Variants in TAS2R1 observed in about 807,000 individuals in gnomAD.
The protein encoded by TAS2R1 is taste receptor type 2 member 1.
For missense variants in TAS2R1, 370 were observed against 353.4 expected, an observed-to-expected ratio of 1.05 and a Z score of -0.38; for synonymous variants, 141 against 134.2, an observed-to-expected ratio of 1.05 and a Z score of -0.35.
At chr5:9,809,818 G>A in the TAS2R1 span, among the ~76,000 whole-genome samples, 1 of 152,050 alleles carries the variant, frequency 6.6e-6, no homozygotes. Context: ...GGATCTCTTT[G>A]TATTCCTTCT....
the TAS2R1 span, among the ~76,000 whole-genome samples, chr5:9,827,576 A>G: frequency 2.0e-5 from 3 of 146,432 alleles, no homozygotes; most frequent in Non-Finnish European, 3.0e-5. Flanking sequence ...CCCTATACAC[A>G]CACACCCGGG....
At chr5:9,686,656 A>T (rs2126514404) in intron 1 of TAS2R1, among the ~76,000 whole-genome samples, 1 of 152,326 alleles carries the variant, frequency 6.6e-6, no homozygotes, top group Non-Finnish European at 1.5e-5. Context: ...GAAAGAAAAC[A>T]GAAAGAAAAG....
the TAS2R1 span, among the ~76,000 whole-genome samples, chr5:9,807,506 C>T: frequency 6.6e-6 from 1 of 152,078 alleles, no homozygotes; most frequent in Non-Finnish European, 1.5e-5. Context: ...AGCCCAAATG[C>T]CCATCAATCA....
the TAS2R1 span, among the ~76,000 whole-genome samples, chr5:9,767,280 C>T: frequency 1.3e-5 from 2 of 151,956 alleles, no homozygotes; most frequent in African/African-American, 2.4e-5. Flanking sequence ...TACGTCGGTG[C>T]TCATATGCAA....
At chr5:9,776,281 T>C in the TAS2R1 span, among the ~76,000 whole-genome samples, 1 of 152,166 alleles carries the variant, frequency 6.6e-6, no homozygotes, top group South Asian at 2.1e-4. Context: ...CCCAAGTGCA[T>C]GGATTCTCTC....
chr5:9,745,494 A>G, the TAS2R1 span, among the ~76,000 whole-genome samples: 1 of 152,228 alleles, frequency 6.6e-6, no homozygotes, highest in African/African-American at 2.4e-5. Context: ...AGCTGGAGTC[A>G]TCACACTACC....
chr5:9,877,399 G>A, the TAS2R1 span, among the ~76,000 whole-genome samples: 1 of 152,118 alleles, frequency 6.6e-6, no homozygotes, highest in African/African-American at 2.4e-5. Flanking sequence ...AGATTTTCTA[G>A]CAGCAAATTT....
At chr5:9,728,244 C>T in the TAS2R1 span, among the ~76,000 whole-genome samples, 25 of 152,244 alleles carry the variant, frequency 1.6e-4, no homozygotes, top group African/African-American at 5.5e-4. Flanking sequence ...AACTTATCTA[C>T]ATTATCTACA....
At chr5:9,674,976 A>G (rs1168135824) in intron 1 of TAS2R1, among the ~76,000 whole-genome samples, 1 of 151,958 alleles carries the variant, frequency 6.6e-6, no homozygotes, top group Non-Finnish European at 1.5e-5. Context: ...AAAAAATCAT[A>G]ATGCTAATAA....
chr5:9,684,988 C>T (rs1287564374), intron 1 of TAS2R1, among the ~76,000 whole-genome samples: 2 of 152,124 alleles, frequency 1.3e-5, no homozygotes, highest in African/African-American at 2.4e-5. Context: ...ACACAGACCC[C>T]GGGAGCACAG....
At chr5:9,730,161 AGAT>A in the TAS2R1 span, among the ~76,000 whole-genome samples, 1 of 152,258 alleles carries the variant, frequency 6.6e-6, no homozygotes, top group South Asian at 2.1e-4. Flanking sequence ...AAAGATATAA[AGAT>A]GATTTTGATG....
intron 1 of TAS2R1, among the ~76,000 whole-genome samples, chr5:9,701,067 C>T (rs1171647807): frequency 6.6e-6 from 1 of 152,144 alleles, no homozygotes; most frequent in Non-Finnish European, 1.5e-5. Flanking sequence ...TTCAACACTC[C>T]TGACACAGGT....
chr5:9,883,161 T>G, the TAS2R1 span, among the ~76,000 whole-genome samples: 1 of 151,864 alleles, frequency 6.6e-6, no homozygotes, highest in Non-Finnish European at 1.5e-5. Context: ...CACTTATAAG[T>G]GGGAGCTGAA....
chr5:9,836,447 T>C, the TAS2R1 span, among the ~76,000 whole-genome samples: 9,053 of 152,004 alleles, frequency 0.06, 635 homozygotes, highest in East Asian at 0.23. Flanking sequence ...TGTTTAGCAG[T>C]ATCGCTGGCC....
At position 9,685,385 on chromosome 5, in the gene TAS2R1, G is replaced by T. The variant is rs557172472; in HGVS notation, c.-241-25804C>A. Among the ~76,000 whole-genome samples, 16 of 151,740 alleles carry T rather than the reference G, an allele frequency of 1.1e-4. No homozygotes were observed. The South Asian group carries it at 3.4e-3, about 32-fold the overall frequency. On this transcript the variant is annotated intron_variant, in intron 1 of 2. Transcript: ENST00000506620. ...CATGTCAAGGAAAAAGACTTTTGGAGAGCTATAGATGTAATAATATAATTA... is the reference window on the plus strand; with the variant it reads ...CATGTCAAGGAAAAAGACTTTTGGATAGCTATAGATGTAATAATATAATTA...
chr5:9,724,912 A>G, the TAS2R1 span, among the ~76,000 whole-genome samples: 1 of 152,270 alleles, frequency 6.6e-6, no homozygotes, highest in Admixed American at 6.5e-5. Context: ...ATTCAGCATT[A>G]TAGAACCATG....
the TAS2R1 span, among the ~76,000 whole-genome samples, chr5:9,733,715 T>C: frequency 5.9e-5 from 9 of 152,160 alleles, no homozygotes; most frequent in African/African-American, 1.9e-4. Flanking sequence ...CAATTTGTTA[T>C]GCGTGAGAAA....
At chr5:9,648,912 TC>T (rs919997537) in intron 2 of TAS2R1, among the ~76,000 whole-genome samples, 1 of 152,116 alleles carries the variant, frequency 6.6e-6, no homozygotes, top group African/African-American at 2.4e-5. Flanking sequence ...AAGCCCCTCT[TC>T]CTTTTGCTCA....
the TAS2R1 span, among the ~76,000 whole-genome samples, chr5:9,768,753 T>C: frequency 3.9e-5 from 6 of 152,230 alleles, no homozygotes; most frequent in African/African-American, 1.4e-4. Context: ...GAAAACATGT[T>C]GACTAATTGC....
Sources: allele counts gnomAD v4.1 joint callset (sites outside exome capture counted in the v4.1 genomes callset), GRCh38; gene constraint gnomAD v4.1.1; transcripts MANE v1.5; gene names NCBI Gene and HGNC (gene_info 2026-07-23, HGNC 2026-07-21).